The following WARS1 variants were observed in gnomAD, a reference collection of about 807,000 sequenced individuals.
WARS1 encodes the protein tryptophanyl-tRNA synthetase 1.
WARS1 carries 17 observed loss-of-function variants against 47.8 expected under a neutral mutation model. That is an observed-to-expected ratio of 0.36 (90% confidence interval 0.24 to 0.53). WARS1 has a LOEUF of 0.53. Ranked by LOEUF, WARS1 falls within the 20% of genes least tolerant of loss-of-function variation. WARS1 has a pLI of 0.91. For synonymous variants in WARS1, 208 were observed against 228.1 expected (o/e 0.91, Z 0.79); for missense variants, 434 against 608.0 (o/e 0.71, Z 3.01).
At position 100,343,359 on chromosome 14, in the gene WARS1, A is replaced by G; in HGVS notation, c.855T>C (p.Ala285=). The G allele has an allele frequency of 6.2e-7, 1 of 1,613,266 alleles. No individual in the cohort carries two copies. The highest frequency in any genetic ancestry group is 1.1e-5 in the South Asian group (1 of 91,030). Residue 285 remains alanine (A), a synonymous_variant, in exon 8 of 11, where the codon GCT becomes GCC. Transcript: ENST00000392882. ...GGAATGAGTTGCTGAAGGAGGGAGC[A>G]GCCTGGATGGCAGGAAAACTGATCT... ...IGKISFPAIQ[A]APSFSNSFPQ...
chr14:100,372,239 G>C (rs1442371241), intron 1 of WARS1, among the ~76,000 whole-genome samples: 1 of 151,986 alleles, frequency 6.6e-6, no homozygotes, highest in African/African-American at 2.4e-5. Flanking sequence ...AACCCTGTTT[G>C]GTGGTCTCTT....
chr14:100,376,284 C>A (rs1033616618), upstream of WARS1: 16 of 896,722 alleles, frequency 1.8e-5, no homozygotes, highest in African/African-American at 8.5e-5. Context: ...CCAGTCAGCG[C>A]TCCCGGCTCA....
At position 100,344,900 on chromosome 14, in the gene WARS1, GGGAAGTGAGGAGCGTCTCCGCCCA is replaced by G. The variant is rs2139941020; in HGVS notation, c.827-1537_827-1514del. ...CCTCCACCCGGCAGCCACCCCGTCT[GGGAAGTGAGGAGCGTCTCCGCCCA>G]GCAGCCACCCCGTCCTGGAGGGAGG... On this transcript the variant is annotated intron_variant, in intron 7 of 10. Coordinates refer to ENST00000392882, the MANE Select transcript of WARS1 (RefSeq NM_004184.4). 4.0e-5 allele frequency among the ~76,000 whole-genome samples: 6 copies of G among 151,540 alleles called. No individual in the cohort carries two copies. The East Asian group carries it at 5.9e-4, about 15-fold the overall frequency.
At chr14:100,365,860 T>C (rs1895953752) in intron 2 of WARS1, 1 of 358,726 alleles carries the variant, frequency 2.8e-6, no homozygotes, top group African/African-American at 2.1e-5. Flanking sequence ...GAAAAACAAA[T>C]GCTAAGACAT....
chr14:100,362,631 G>A (rs910790867), intron 2 of WARS1, among the ~76,000 whole-genome samples: 6 of 152,094 alleles, frequency 3.9e-5, no homozygotes, highest in African/African-American at 1.4e-4. Context: ...CTGGAAGCCT[G>A]GTGTTTAGAA....
intron 10 of WARS1, among the ~76,000 whole-genome samples, chr14:100,336,566 A>G (rs1893748654): frequency 2.0e-5 from 3 of 152,190 alleles, no homozygotes; most frequent in Admixed American, 2.0e-4. Flanking sequence ...ACTCAGGATT[A>G]TTTCCTTGGA....
chr14:100,368,371 G>A, intron 2 of WARS1: 1 of 455,454 alleles, frequency 2.2e-6, no homozygotes, highest in South Asian at 1.6e-5. Context: ...TACAGATACT[G>A]ACCTAACTAC....
At chr14:100,355,439 TCTCAAA>T (rs1482650595) in intron 4 of WARS1, among the ~76,000 whole-genome samples, 1 of 151,692 alleles carries the variant, frequency 6.6e-6, no homozygotes, top group African/African-American at 2.4e-5. Flanking sequence ...GCCAGGCTGG[TCTCAAA>T]CTCCTGACCT....
rs995840015 is a variant in WARS1 at position 100,334,190 on chromosome 14, A to T, written c.*685T>A. On this transcript the variant is annotated 3_prime_UTR_variant, in exon 11 of 11. Coordinates refer to ENST00000392882, the MANE Select transcript of WARS1 (RefSeq NM_004184.4). ...CACTGGTGTGCCAAGGGAAGCGAGC[A>T]TGATTTCTGGAGTGGACTACATGCA... 2 of 152,660 alleles carry T rather than the reference A, an allele frequency of 1.3e-5. No homozygotes were observed. Among genetic ancestry groups the T allele is most frequent in the South Asian group, 4.1e-4 (2 of 4,834 alleles). 9.5% of individuals were successfully genotyped at this position (152,660 alleles called of 1,614,324 possible). A position where few individuals can be genotyped will look rare whatever the true frequency, so the allele number is the denominator to read the frequency against.
At chr14:100,350,433 C>T (rs946172204) in intron 6 of WARS1, among the ~76,000 whole-genome samples, 13 of 136,244 alleles carry the variant, frequency 9.5e-5, no homozygotes, top group East Asian at 4.2e-4. Context: ...TCTTATTTAG[C>T]GAAGGTGGAG....
chr14:100,364,101 A>T (rs1434610823), intron 2 of WARS1, among the ~76,000 whole-genome samples: 1 of 152,154 alleles, frequency 6.6e-6, no homozygotes, highest in Non-Finnish European at 1.5e-5. Flanking sequence ...AGGTGTGGTC[A>T]TTTTGTGAAA....
chr14:100,371,013 T>C (rs866889647), intron 1 of WARS1, among the ~76,000 whole-genome samples: 1 of 152,250 alleles, frequency 6.6e-6, no homozygotes, highest in Non-Finnish European at 1.5e-5. Context: ...AGATGCGTTA[T>C]AGACTCTAGT....
chr14:100,352,233 T>A (rs1895042320), intron 6 of WARS1, among the ~76,000 whole-genome samples: 1 of 143,294 alleles, frequency 7.0e-6, no homozygotes, highest in Non-Finnish European at 1.5e-5. Context: ...TGCCTCAGCC[T>A]CCCAAGTAGC....
At chr14:100,360,985 A>C (rs1349257824) in intron 3 of WARS1, among the ~76,000 whole-genome samples, 1 of 151,874 alleles carries the variant, frequency 6.6e-6, no homozygotes, top group Non-Finnish European at 1.5e-5. Flanking sequence ...AAACATATAC[A>C]TATATAAATA....
chr14:100,344,519 G>C (rs1161054744), intron 7 of WARS1, among the ~76,000 whole-genome samples: 1 of 152,188 alleles, frequency 6.6e-6, no homozygotes, highest in South Asian at 2.1e-4. Context: ...TCTGGGAAGT[G>C]AGGAGCGTCT....
At chr14:100,337,367 G>A (rs780497307) in intron 9 of WARS1, among the ~76,000 whole-genome samples, 165 bp from the exon 10 acceptor site, 11 of 152,116 alleles carry the variant, frequency 7.2e-5, no homozygotes, top group Non-Finnish European at 1.2e-4. Flanking sequence ...GCCAGTGGGG[G>A]ACCCACTGCT....
At chr14:100,366,112 G>A (rs557428682) in intron 2 of WARS1, 78 of 455,978 alleles carry the variant, frequency 1.7e-4, no homozygotes, top group South Asian at 1.2e-3. Flanking sequence ...AGTTACAGGT[G>A]CCTAGACTGG....
rs747446764 is a variant in WARS1, at chr14:100,373,455, C to T, written c.-74+1828G>A. Among the ~76,000 whole-genome samples the T allele has an allele frequency of 7.2e-5, 11 of 152,310 alleles. No homozygotes were observed. The highest frequency in any genetic ancestry group is 2.6e-4 in the African/African-American group (11 of 41,562). On this transcript the variant is annotated intron_variant, in intron 1 of 10. Coordinates refer to ENST00000392882, the MANE Select transcript of WARS1 (RefSeq NM_004184.4). This position sits in a 1 kb window ranked among gnomAD's most constrained non-coding sequence, Gnocchi z 4.4. ...TTTTTGGAATTCCTTTTGGTTTACC[C>T]TGTCCTTCCAAAAAATGTGGTGCCC...
chr14:100,369,106 T>C lies in WARS1; in HGVS notation c.80A>G (p.Lys27Arg). Residue 27 changes from lysine (K) to arginine (R), a missense_variant, in exon 2 of 11, where the codon AAA becomes AGA. Physicochemically the swap from Lys to Arg is conservative, Grantham distance 26 (BLOSUM62 2). This residue lies in a region of WARS1 where 87 missense variants were observed against 84.2 expected (regional missense o/e 1.03). Coordinates refer to ENST00000392882, the MANE Select transcript of WARS1 (RefSeq NM_004184.4). ...ATQGELVRSL[K>R]AGNASKDEID... ...ATGTACCTTTGACGCATTTCCCGCT[T>C]TGAGGGACCTTACGAGCTCCCCTTG... 2 of 1,561,932 alleles carry C rather than the reference T, an allele frequency of 1.3e-6. No individual in the cohort carries two copies. Among genetic ancestry groups the C allele is most frequent in the Non-Finnish European group, 1.7e-6 (2 of 1,144,852 alleles).
Sources: allele counts gnomAD v4.1 joint callset (sites outside exome capture counted in the v4.1 genomes callset), GRCh38; gene constraint gnomAD v4.1.1; regional missense constraint gnomAD v4.1.1; non-coding constraint Gnocchi (gnomAD v3.1); transcripts MANE v1.5; gene names NCBI Gene and HGNC (gene_info 2026-07-23, HGNC 2026-07-21).